The following PPFIA2 variants were observed in gnomAD, a reference collection of about 807,000 sequenced individuals.
PPFIA2 encodes liprin-alpha-2.
In PPFIA2, 46 loss-of-function variants were observed where a neutral mutation model predicts 175.5. That is an observed-to-expected ratio of 0.26 (90% CI 0.21 to 0.34). The LOEUF is 0.34. Among genes scored for constraint, PPFIA2 ranks in the 10% least tolerant of loss-of-function variants. The pLI, the probability that PPFIA2 is intolerant of heterozygous loss-of-function variation, is 1.00. For missense variants in PPFIA2, 1,179 were observed against 1,506.1 expected (o/e 0.78, Z 3.60); for synonymous variants, 568 against 511.4 (o/e 1.11, Z -1.49).
At chr12:81,513,099 T>C (rs994479076) in intron 4 of PPFIA2, among the ~76,000 whole-genome samples, 21 of 151,874 alleles carry the variant, frequency 1.4e-4, no homozygotes, top group African/African-American at 4.8e-4. Flanking sequence ...AGGACATGAA[T>C]AGACAATTTT....
intron 3 of PPFIA2, among the ~76,000 whole-genome samples, chr12:81,692,003 A>C (rs1041617184): frequency 6.6e-6 from 1 of 151,712 alleles, no homozygotes; most frequent in Non-Finnish European, 1.5e-5. Context: ...AAATATGGTT[A>C]AGTGTTGGGA....
intron 10 of PPFIA2, among the ~76,000 whole-genome samples, 152 bp from the exon 11 acceptor site, chr12:81,374,920 A>G (rs189292872): frequency 1.6e-4 from 25 of 152,296 alleles, no homozygotes; most frequent in African/African-American, 5.5e-4. Context: ...TTGTCTTGTT[A>G]TCATATATTG....
intron 3 of PPFIA2, among the ~76,000 whole-genome samples, chr12:81,712,032 C>T (rs1043301375): frequency 4.6e-5 from 7 of 151,064 alleles, no homozygotes; most frequent in African/African-American, 1.7e-4. Flanking sequence ...TTACAAAAGT[C>T]ATTCTCATAC....
chr12:81,264,020 T>C (rs559625341), intron 30 of PPFIA2, among the ~76,000 whole-genome samples: 145 of 152,318 alleles, frequency 9.5e-4, no homozygotes, highest in Non-Finnish European at 1.5e-3. Flanking sequence ...ACATGTGGTC[T>C]TTGGGTACCA....
chr12:81,613,393 A>G (rs2153472201), intron 4 of PPFIA2, among the ~76,000 whole-genome samples: 1 of 152,256 alleles, frequency 6.6e-6, no homozygotes, highest in East Asian at 1.9e-4. Context: ...CACGCCCTCC[A>G]TGCTCATCTA....
In PPFIA2 at chr12:81,697,526, C is replaced by T. The variant is rs191630783; in HGVS notation, c.250-20682G>A. Among the ~76,000 whole-genome samples, 42 of 152,188 alleles carry T rather than the reference C, an allele frequency of 2.8e-4. 1 individual carries two copies. The highest frequency in any genetic ancestry group is 1.4e-3 in the Admixed American group (22 of 15,274). ...AGCCACTTCAGCTAAAAAATCTATA[C>T]AGGAATATGTCAAACTATTTGATTT... On this transcript the variant is annotated intron_variant, in intron 3 of 32. Transcript: ENST00000549396.
intron 8 of PPFIA2, among the ~76,000 whole-genome samples, chr12:81,399,123 G>A (rs545613542): frequency 2.2e-4 from 33 of 151,630 alleles, no homozygotes; most frequent in African/African-American, 5.8e-4. Flanking sequence ...TTAACAGATC[G>A]CACAAAACAA....
At position 81,467,706 on chromosome 12, in the gene PPFIA2, T is replaced by A. The variant is rs2055949047; in HGVS notation, c.304-9840A>T. Among the ~76,000 whole-genome samples the A allele has an allele frequency of 3.9e-5, 6 of 152,276 alleles. No homozygotes were observed. In the South Asian group the frequency reaches 1.2e-3, roughly 32 times the overall value. On this transcript the variant is annotated intron_variant, in intron 4 of 32. Transcript: ENST00000549396. ...CAGGGCTCACACACCTCTCAAGATG[T>A]TTTCTGGTGTCTGAAATGCAATGAT...
At chr12:81,497,947 C>T (rs1027024351) in intron 4 of PPFIA2, among the ~76,000 whole-genome samples, 1 of 152,188 alleles carries the variant, frequency 6.6e-6, no homozygotes, top group South Asian at 2.1e-4. Flanking sequence ...ATAATTTTTC[C>T]TTTCCCAGGC....
intron 4 of PPFIA2, among the ~76,000 whole-genome samples, chr12:81,645,505 G>T (rs1160228362): frequency 2.0e-5 from 3 of 152,168 alleles, no homozygotes; most frequent in Non-Finnish European, 2.9e-5. Context: ...TTCTACTTCG[G>T]ATGTAAAAAG....
intron 3 of PPFIA2, among the ~76,000 whole-genome samples, chr12:81,711,842 C>T (rs1293619322): frequency 1.3e-5 from 2 of 149,676 alleles, no homozygotes; most frequent in Non-Finnish European, 3.0e-5. Context: ...CAGTATGGTA[C>T]CTTATCAGTG....
chr12:81,530,521 C>A (rs2153276550), intron 4 of PPFIA2, among the ~76,000 whole-genome samples: 1 of 151,820 alleles, frequency 6.6e-6, no homozygotes, highest in South Asian at 2.1e-4. Flanking sequence ...TGCAGTAGAG[C>A]AACTTTTAAA....
intron 4 of PPFIA2, among the ~76,000 whole-genome samples, chr12:81,479,357 C>T (rs953835425): frequency 5.9e-5 from 9 of 152,056 alleles, no homozygotes; most frequent in East Asian, 3.9e-4. Context: ...TACAGCACAC[C>T]GATAGGTCTT....
rs532295218 is a variant in PPFIA2 at position 81,280,681 on chromosome 12, GA to G, written c.3212+575del. Reference sequence around the variant, plus strand: ...TTATCTGCTGGATGGTAAACAACTTGAAAAAAAGACATTGCCTTTTGTTCAA... The same window carrying G: ...TTATCTGCTGGATGGTAAACAACTTGAAAAAAGACATTGCCTTTTGTTCAA... On this transcript the variant is annotated intron_variant, in intron 27 of 32. Coordinates refer to ENST00000549396, the MANE Select transcript of PPFIA2 (RefSeq NM_003625.5). Among the ~76,000 whole-genome samples, 20 of 151,666 alleles carry G rather than the reference GA, an allele frequency of 1.3e-4. No individual in the cohort carries two copies. In the East Asian group the frequency reaches 3.5e-3, roughly 26 times the overall value.
At chr12:81,350,354 G>A (rs1400073655) in intron 17 of PPFIA2, 5 of 152,132 alleles carry the variant, frequency 3.3e-5, no homozygotes, top group African/African-American at 1.2e-4. Context: ...TGCAAATAAA[G>A]GTGAGCAAAG....
chr12:81,595,004 T>C (rs1367569416), intron 4 of PPFIA2, among the ~76,000 whole-genome samples: 4 of 152,102 alleles, frequency 2.6e-5, no homozygotes, highest in African/African-American at 9.7e-5. Flanking sequence ...TGTGCAGATA[T>C]GGTTTGAAAA....
chr12:81,708,379 T>C (rs2077480855), intron 3 of PPFIA2, among the ~76,000 whole-genome samples: 1 of 152,118 alleles, frequency 6.6e-6, no homozygotes, highest in Non-Finnish European at 1.5e-5. Context: ...TGGAGACTCA[T>C]CCACCAATTA....
chr12:81,455,989 A>C (rs1219895491), intron 5 of PPFIA2, among the ~76,000 whole-genome samples: 4 of 152,220 alleles, frequency 2.6e-5, no homozygotes, highest in Non-Finnish European at 4.4e-5. Context: ...CTACACAGCT[A>C]ATAAAAGAGT....
chr12:81,508,243 C>A (rs147454304), intron 4 of PPFIA2, among the ~76,000 whole-genome samples: 1 of 151,950 alleles, frequency 6.6e-6, no homozygotes, highest in African/African-American at 2.4e-5. Flanking sequence ...TTTGTGGGGC[C>A]GGGCACGGTG....
Sources: allele counts gnomAD v4.1 joint callset (sites outside exome capture counted in the v4.1 genomes callset), GRCh38; gene constraint gnomAD v4.1.1; transcripts MANE v1.5; gene names NCBI Gene and HGNC (gene_info 2026-07-23, HGNC 2026-07-21).